The following NBEA variants were observed in gnomAD, a reference collection of about 807,000 sequenced individuals.
NBEA encodes lysosomal-trafficking regulator 2.
A neutral mutation model predicts 343.4 loss-of-function variants in NBEA; 44 were observed. The observed-to-expected ratio is 0.13, with a 90% CI of 0.10 to 0.16. The LOEUF is 0.16. Ranked by LOEUF, NBEA falls within the 10% of genes least tolerant of loss-of-function variation. The pLI is 1.00. For missense variants in NBEA, 2,555 were observed against 3,631.3 expected (o/e 0.70, Z 7.62); for synonymous variants, 1,175 against 1,238.7 (o/e 0.95, Z 1.08).
intron 38 of NBEA, among the ~76,000 whole-genome samples, chr13:35,387,829 A>G (rs1320603390): frequency 6.6e-6 from 1 of 152,098 alleles, no homozygotes. Context: ...AGCCATGATA[A>G]ATGGTAACGC....
intron 1 of NBEA, among the ~76,000 whole-genome samples, chr13:35,001,483 T>C (rs1423720296): frequency 1.3e-5 from 2 of 152,122 alleles, no homozygotes; most frequent in Non-Finnish European, 2.9e-5. Context: ...TGGAATACTA[T>C]TCGGCTATAA....
intron 48 of NBEA, among the ~76,000 whole-genome samples, chr13:35,621,284 C>T (rs78114436): frequency 0.067 from 10,134 of 152,180 alleles, 383 homozygotes; most frequent in African/African-American, 0.089. Context: ...CACTGCCTGG[C>T]ACATAACAGG....
intron 41 of NBEA, among the ~76,000 whole-genome samples, chr13:35,479,264 C>T (rs2076020981): frequency 1.3e-5 from 2 of 152,114 alleles, no homozygotes; most frequent in African/African-American, 4.8e-5. Flanking sequence ...TAGGATTCAC[C>T]GGTCCGCGAT....
In NBEA at chr13:35,099,699, C is replaced by T. The variant is rs182589518; in HGVS notation, c.1680+1294C>T. On this transcript the variant is annotated intron_variant, in intron 11 of 58. Transcript: ENST00000379939. ...TATTTAAAGTAGTTTTTCTGATCTA[C>T]GCATAATATAAACAATAAAAATTAG... 4.4e-4 allele frequency among the ~76,000 whole-genome samples: 67 copies of T among 152,078 alleles called. 1 individual carries two copies. Among genetic ancestry groups the T allele is most frequent in the African/African-American group, 1.4e-3 (57 of 41,518 alleles).
chr13:34,949,774 T>C (rs145527677), intron 1 of NBEA, among the ~76,000 whole-genome samples: 42 of 152,226 alleles, frequency 2.8e-4, no homozygotes, highest in Non-Finnish European at 5.4e-4. Flanking sequence ...ATTGGTCAGG[T>C]TTGAGGTACC....
intron 34 of NBEA, among the ~76,000 whole-genome samples, chr13:35,274,995 G>GA (rs981091488): frequency 1.3e-5 from 2 of 151,882 alleles, no homozygotes; most frequent in African/African-American, 4.8e-5. Flanking sequence ...CAAAGAATTG[G>GA]AAAAAAAGTA....
intron 35 of NBEA, among the ~76,000 whole-genome samples, chr13:35,302,171 T>C (rs1051645892): frequency 2.3e-4 from 35 of 152,192 alleles, no homozygotes; most frequent in African/African-American, 8.2e-4. Flanking sequence ...CATTCCTTAA[T>C]ATTTTGAATT....
At chr13:35,554,033 A>C (rs540236948) in intron 43 of NBEA, among the ~76,000 whole-genome samples, 1 of 152,344 alleles carries the variant, frequency 6.6e-6, no homozygotes, top group Non-Finnish European at 1.5e-5. Flanking sequence ...AAGGTTTCAG[A>C]AGCTGTGCAG....
At chr13:34,988,207 G>T (rs1031268978) in intron 1 of NBEA, among the ~76,000 whole-genome samples, 4 of 150,928 alleles carry the variant, frequency 2.7e-5, no homozygotes, top group East Asian at 3.9e-4. Context: ...GGTGTCAGTC[G>T]GCCCCTACTG....
At chr13:35,642,072 T>G (rs1385852446) in intron 49 of NBEA, among the ~76,000 whole-genome samples, 1 of 152,204 alleles carries the variant, frequency 6.6e-6, no homozygotes, top group African/African-American at 2.4e-5. Flanking sequence ...TGTCTACCAA[T>G]GGCTGCATGG....
At chr13:35,393,816 A>G (rs1283362796) in intron 38 of NBEA, among the ~76,000 whole-genome samples, 2 of 152,078 alleles carry the variant, frequency 1.3e-5, no homozygotes, top group African/African-American at 4.8e-5. Flanking sequence ...TTAGATTTGT[A>G]TTTGATTAGA....
chr13:35,120,164 G>A (rs1380628744), intron 16 of NBEA, among the ~76,000 whole-genome samples: 1 of 152,090 alleles, frequency 6.6e-6, no homozygotes, highest in Non-Finnish European at 1.5e-5. Context: ...ATGAAATGCA[G>A]AAATATAATT....
chr13:35,660,576 C>T (rs138979256), intron 55 of NBEA, among the ~76,000 whole-genome samples: 1 of 152,318 alleles, frequency 6.6e-6, no homozygotes, highest in Non-Finnish European at 1.5e-5. Flanking sequence ...CTTCTCTGGG[C>T]TCCCATTGTG....
intron 1 of NBEA, among the ~76,000 whole-genome samples, chr13:34,955,226 T>G (rs1271700706): frequency 6.6e-6 from 1 of 152,016 alleles, no homozygotes; most frequent in East Asian, 1.9e-4. Context: ...CCGTTTTTAC[T>G]CCAGCAGGCT....
At chr13:35,279,537 A>G (rs1478646206) in intron 34 of NBEA, among the ~76,000 whole-genome samples, 3 of 152,202 alleles carry the variant, frequency 2.0e-5, no homozygotes, top group African/African-American at 4.8e-5. Flanking sequence ...GTAAAAACTA[A>G]CTGGCTTATT....
Position 35,155,756 on chromosome 13 carries a change from A to G in NBEA, c.2446-18A>G. On this transcript the variant is annotated intron_variant, in intron 18 of 58. Transcript: ENST00000379939. Reference sequence around the variant, plus strand: ...TTAAATTGTTTTCTAAATGAAGTTCAAATTCTTCATTTTTCAGATCTTGAC... The same window carrying G: ...TTAAATTGTTTTCTAAATGAAGTTCGAATTCTTCATTTTTCAGATCTTGAC... The G allele has an allele frequency of 6.4e-7, 1 of 1,568,466 alleles. No individual in the cohort carries two copies. The highest frequency in any genetic ancestry group is 8.8e-7 in the Non-Finnish European group (1 of 1,140,150).
Position 35,527,201 on chromosome 13 carries a change from G to A in NBEA, c.6586-23276G>A, listed in dbSNP as rs1022310275. 5.3e-5 allele frequency among the ~76,000 whole-genome samples: 8 copies of A among 152,224 alleles called. No homozygotes were observed. In the South Asian group the frequency reaches 1.2e-3, roughly 24 times the overall value. ...GTCAGGTTATTTTATGGGCTCAGAC[G>A]GGAGGAAGTACATGGTGATTGGTCC... On this transcript the variant is annotated intron_variant, in intron 41 of 58. Coordinates refer to ENST00000379939, the MANE Select transcript of NBEA (RefSeq NM_001385012.1).
chr13:35,156,285 A>C, intron 20 of NBEA, 79 bp downstream of exon 20: 1 of 1,353,460 alleles, frequency 7.4e-7, no homozygotes, highest in Non-Finnish European at 9.8e-7. Context: ...ATTCATTTCA[A>C]ATCTTTTCCA....
chr13:35,438,042 C>T (rs1159602264), intron 39 of NBEA, among the ~76,000 whole-genome samples: 2 of 151,976 alleles, frequency 1.3e-5, no homozygotes, highest in East Asian at 1.9e-4. Context: ...ACCTCCATGT[C>T]TGTGATCAAA....
Sources: allele counts gnomAD v4.1 joint callset (sites outside exome capture counted in the v4.1 genomes callset), GRCh38; gene constraint gnomAD v4.1.1; transcripts MANE v1.5; gene names NCBI Gene and HGNC (gene_info 2026-07-23, HGNC 2026-07-21).